MRC2: variants seen among roughly 807,000 people sequenced by gnomAD.
MRC2 encodes mannose receptor C-type 2, also known as C-type mannose receptor 2.
Under a neutral mutation model 206.2 loss-of-function variants are expected in MRC2, and 84 were observed. The observed-to-expected ratio is 0.41, with a 90% CI of 0.34 to 0.49. MRC2 has a LOEUF of 0.49. Among genes scored for constraint, MRC2 ranks in the 20% least tolerant of loss-of-function variants. MRC2 has a pLI of 0.31. For synonymous variants in MRC2, 798 were observed against 800.0 expected, an observed-to-expected ratio of 1.00 and a Z score of 0.04; for missense variants, 1,676 against 2,001.5, an observed-to-expected ratio of 0.84 and a Z score of 3.10.
Position 62,627,811 on chromosome 17 carries a change from C to G in MRC2, c.9C>G (p.Pro3=), listed in dbSNP as rs1354075818. MG[P]GRPAPAPWPR... is the part of the protein sequence containing the mutation. ...GAGCGCCGCGCTCGGGGATGGGGCCCGGCCGGCCGGCCCCCGCGCCCTGGC... is the reference window on the plus strand; with the variant it reads ...GAGCGCCGCGCTCGGGGATGGGGCCGGGCCGGCCGGCCCCCGCGCCCTGGC... The change falls in exon 1 of 30, where the codon CCC becomes CCG. Residue 3 remains proline, a synonymous_variant. Transcript: ENST00000303375. 1 of 1,440,144 alleles carries G rather than the reference C, an allele frequency of 6.9e-7. No homozygotes were observed. Among genetic ancestry groups the G allele is most frequent in the East Asian group, 3.0e-5 (1 of 33,100 alleles). The allele number at this position is 1,440,144 out of a possible 1,614,324, so 89.2% of individuals were successfully genotyped here.
chr17:62,676,362 T>C, intron 10 of MRC2, 21 bp from the exon 11 acceptor site: 1 of 1,613,124 alleles, frequency 6.2e-7, no homozygotes, highest in African/African-American at 1.3e-5. Flanking sequence ...ATCCCTGCCC[T>C]GACCAGCCTG....
rs1169702938 is a variant in MRC2, at chr17:62,682,337, T to TG, written c.2912dup (p.Cys972LeufsTer4). On this transcript the variant is annotated frameshift_variant, in exon 20 of 30. Transcript: ENST00000303375. LOFTEE classifies it high-confidence loss of function. ...CCCCCAGACCTGCCAACTACAGCCC[T>TG]GGGGGGCTGCCCCTCTGACTGGATC... 1 of 1,606,560 alleles carries TG rather than the reference T, an allele frequency of 6.2e-7. No individual in the cohort carries two copies.
intron 23 of MRC2, among the ~76,000 whole-genome samples, chr17:62,689,195 C>A (rs1402302832): frequency 3.3e-5 from 5 of 152,150 alleles, no homozygotes; most frequent in Non-Finnish European, 7.4e-5. Flanking sequence ...GAGCTAGACG[C>A]TGGGCTGCAT....
intron 20 of MRC2, 115 bp from the exon 21 acceptor site, chr17:62,688,174 C>G: frequency 1.2e-6 from 1 of 814,452 alleles, no homozygotes; most frequent in African/African-American, 1.7e-5. Context: ...ATACTGTTCT[C>G]TCCCGGCCCT....
chr17:62,688,730 C>A, intron 22 of MRC2, 66 bp downstream of exon 22: 10 of 1,595,752 alleles, frequency 6.3e-6, no homozygotes, highest in Non-Finnish European at 2.6e-6. Context: ...TGCCTTTGCC[C>A]CAGCATCTCT....
Position 62,672,261 on chromosome 17 carries a change from C to G in MRC2, c.1461+109C>G, listed in dbSNP as rs1434558044. 2.0e-5 allele frequency: 27 copies of G among 1,335,136 alleles called. No homozygotes were observed. The highest frequency in any genetic ancestry group is 2.8e-5 in the Non-Finnish European group (27 of 950,270). The allele number at this position is 1,335,136 out of a possible 1,614,324, so 82.7% of individuals were successfully genotyped here. The stretch of plus-strand genomic sequence containing the variant: ...TACTATCAGAACCTGCCTGGAACCT[C>G]TTACCTCTCAGCAGTCCCCCTCCTC... On this transcript the variant is annotated intron_variant, in intron 8 of 29. Coordinates refer to ENST00000303375, the MANE Select transcript of MRC2 (RefSeq NM_006039.5). The surrounding 1 kb of genome is among the most constrained non-coding windows in gnomAD (Gnocchi z 4.5).
At position 62,627,703 on chromosome 17, in the gene MRC2, C is replaced by T. The variant is rs970412732; in HGVS notation, c.-100C>T. ...GTCCCGACCCGGAGGAGGACGCGAGCCCCTTGCGGGCGGTCATCACAGCCC... is the reference window on the plus strand; with the variant it reads ...GTCCCGACCCGGAGGAGGACGCGAGTCCCTTGCGGGCGGTCATCACAGCCC... On this transcript the variant is annotated 5_prime_UTR_variant, in exon 1 of 30. Coordinates refer to ENST00000303375, the MANE Select transcript of MRC2 (RefSeq NM_006039.5). 3 of 844,474 alleles carry T rather than the reference C, an allele frequency of 3.6e-6. No homozygotes were observed. The highest frequency in any genetic ancestry group is 3.6e-5 in the African/African-American group (2 of 56,104). 52.3% of individuals were successfully genotyped at this position (844,474 alleles called of 1,614,324 possible).
Position 62,672,177 on chromosome 17 carries a change from A to G in MRC2, c.1461+25A>G. 6.2e-7 allele frequency: 1 copy of G among 1,613,198 alleles called. No individual in the cohort carries two copies. Among genetic ancestry groups the G allele is most frequent in the Non-Finnish European group, 8.5e-7 (1 of 1,179,588 alleles). Reference sequence around the variant, plus strand: ...GGTGAGATCTCCCTCTCCCTATCACAGGGCCACAAAATACACCCCCAACCT... The same window carrying G: ...GGTGAGATCTCCCTCTCCCTATCACGGGGCCACAAAATACACCCCCAACCT... On this transcript the variant is annotated intron_variant, in intron 8 of 29. Transcript: ENST00000303375. This position sits in a 1 kb window ranked among gnomAD's most constrained non-coding sequence, Gnocchi z 4.5.
At chr17:62,688,470 G>A in intron 21 of MRC2, 31 bp from the exon 22 acceptor site, 1 of 1,614,178 alleles carries the variant, frequency 6.2e-7, no homozygotes, top group South Asian at 1.1e-5. Context: ...CTATAGCAGA[G>A]TCACTCACAA....
intron 13 of MRC2, chr17:62,679,321 A>T: frequency 6.3e-6 from 1 of 158,682 alleles, no homozygotes; most frequent in Non-Finnish European, 1.4e-5. Context: ...TATAGTCCTC[A>T]CTCAAGCCTC....
intron 1 of MRC2, among the ~76,000 whole-genome samples, chr17:62,640,988 G>A (rs2088395617): frequency 6.6e-6 from 1 of 151,434 alleles, no homozygotes; most frequent in Admixed American, 6.6e-5. Flanking sequence ...GATTACAGGC[G>A]TGAGCCACTG....
At chr17:62,673,081 C>G (rs1474385952) in intron 8 of MRC2, among the ~76,000 whole-genome samples, 3 of 152,128 alleles carry the variant, frequency 2.0e-5, no homozygotes, top group Non-Finnish European at 4.4e-5. Flanking sequence ...CTGTCACATA[C>G]TGCAAACAGT....
rs1313476349 is a variant in MRC2 at position 62,688,586 on chromosome 17, G to A, written c.3147G>A (p.Glu1049=). 10 of 1,614,120 alleles carry A rather than the reference G, an allele frequency of 6.2e-6. No individual in the cohort carries two copies. In the East Asian group the frequency reaches 1.8e-4, roughly 29 times the overall value. ...HASQRDFQWV[E]QEPLMYANWA... ...CGCAGAGGGACTTCCAGTGGGTGGA[G>A]CAGGAGCCTTTGATGTATGCCAACT... Residue 1049 remains glutamate, a synonymous_variant, in exon 22 of 30, where the codon GAG becomes GAA. Coordinates refer to ENST00000303375, the MANE Select transcript of MRC2 (RefSeq NM_006039.5).
intron 22 of MRC2, 39 bp from the exon 23 acceptor site, chr17:62,688,813 C>A: frequency 6.3e-7 from 1 of 1,577,766 alleles, no homozygotes; most frequent in Non-Finnish European, 8.7e-7. Flanking sequence ...CACAGGGAGG[C>A]AGCTGCTGGG....
chr17:62,637,007 G>T (rs2088330540), intron 1 of MRC2, among the ~76,000 whole-genome samples: 1 of 152,222 alleles, frequency 6.6e-6, no homozygotes, highest in Non-Finnish European at 1.5e-5. Flanking sequence ...TCAGTCCAGA[G>T]CTGGCATTGC....
At chr17:62,682,056 G>A (rs1224156535) in intron 19 of MRC2, 119 bp downstream of exon 19, 1 of 1,120,570 alleles carries the variant, frequency 8.9e-7, no homozygotes, top group African/African-American at 1.6e-5. Flanking sequence ...CCCAATAAAG[G>A]CTAGACTCAG....
rs543929297 is a variant in MRC2 at position 62,684,496 on chromosome 17, C to T, written c.2946+2119C>T. On this transcript the variant is annotated intron_variant, in intron 20 of 29. Transcript: ENST00000303375. ...ATCACTATGGATGCATTTCTCAACACGTTTTTACAACACCCCCTCCATAGT... is the reference window on the plus strand; with the variant it reads ...ATCACTATGGATGCATTTCTCAACATGTTTTTACAACACCCCCTCCATAGT... Among the ~76,000 whole-genome samples the T allele has an allele frequency of 3.9e-5, 6 of 152,294 alleles. No homozygotes were observed. The East Asian group carries it at 1.2e-3, about 29-fold the overall frequency.
At chr17:62,628,014 CTT>C (rs2084183245) in intron 1 of MRC2, 94 bp downstream of exon 1, 2 of 825,404 alleles carry the variant, frequency 2.4e-6, no homozygotes, top group African/African-American at 1.8e-5. Flanking sequence ...TTTCCCCCCT[CTT>C]TTCTCCAGAA....
At position 62,667,341 on chromosome 17, in the gene MRC2, G is replaced by A; in HGVS notation, c.974-49G>A. Reference sequence around the variant, plus strand: ...TTCTGAGCAGGGCCCCGGGAGCCACGGTGTGAGCTTCTCTCTCCGGGGGTG... The same window carrying A: ...TTCTGAGCAGGGCCCCGGGAGCCACAGTGTGAGCTTCTCTCTCCGGGGGTG... On this transcript the variant is annotated intron_variant, in intron 5 of 29. Transcript: ENST00000303375. This position sits in a 1 kb window ranked among gnomAD's most constrained non-coding sequence, Gnocchi z 4.1. 1.3e-6 allele frequency: 2 copies of A among 1,537,926 alleles called. No individual in the cohort carries two copies. The highest frequency in any genetic ancestry group is 2.5e-5 in the South Asian group (2 of 79,480).
Sources: gnomAD v4.1 joint callset for allele counts (sites outside exome capture counted in the v4.1 genomes callset) on GRCh38, gnomAD v4.1.1 for gene constraint, Gnocchi (gnomAD v3.1) non-coding constraint, MANE v1.5 for transcripts, NCBI Gene and HGNC (gene_info 2026-07-23, HGNC 2026-07-21) for gene names.